FILIP1L: variants seen among roughly 807,000 people sequenced by gnomAD.
FILIP1L encodes the protein filamin A interacting protein 1 like.
FILIP1L carries 55 observed loss-of-function variants against 96.6 expected under a neutral mutation model. The ratio of observed to expected loss-of-function variants is 0.57; its 90% CI spans 0.46 to 0.71. FILIP1L has a LOEUF of 0.71. FILIP1L is among the 30% of genes least tolerant of loss of function. The pLI is 0.00. For synonymous variants in FILIP1L, 467 were observed against 473.9 expected (o/e 0.99, Z 0.19); for missense variants, 1,304 against 1,321.2 (o/e 0.99, Z 0.20).
Position 99,831,289 on chromosome 3 carries a change from T to C in FILIP1L, c.3382-684A>G, listed in dbSNP as rs533036617. On this transcript the variant is annotated intron_variant, in intron 5 of 5. Coordinates refer to ENST00000477258, the MANE Select transcript of FILIP1L (RefSeq NM_001387850.1). ...ATGTTAAAAGTAGAATTTAAAACTG[T>C]GTACATGCTTTAATTATTTACATGT... Among the ~76,000 whole-genome samples the C allele has an allele frequency of 1.7e-4, 26 of 152,352 alleles. No individual in the cohort carries two copies. The South Asian group carries it at 2.1e-3, about 12-fold the overall frequency.
intron 4 of FILIP1L, among the ~76,000 whole-genome samples, chr3:99,905,645 G>T (rs543529503): frequency 6.6e-6 from 1 of 152,260 alleles, no homozygotes; most frequent in Non-Finnish European, 1.5e-5. Flanking sequence ...TCCAGATTAA[G>T]TTATAGAATA....
intron 5 of FILIP1L, among the ~76,000 whole-genome samples, chr3:99,837,529 T>C: frequency 6.6e-6 from 1 of 152,074 alleles, no homozygotes. Flanking sequence ...GTGTCTGTGT[T>C]GATGCAGATT....
At chr3:100,110,555 G>A (rs547814243) in intron 1 of FILIP1L, among the ~76,000 whole-genome samples, 8 of 152,250 alleles carry the variant, frequency 5.3e-5, no homozygotes, top group African/African-American at 1.2e-4. Context: ...TTAAATACAT[G>A]TACAGGAAAT....
intron 1 of FILIP1L, among the ~76,000 whole-genome samples, chr3:99,944,358 A>G (rs759291306): frequency 3.3e-5 from 5 of 152,196 alleles, no homozygotes; most frequent in Non-Finnish European, 1.5e-5. Context: ...CAAGCTGGCT[A>G]CAGCTGTTCC....
At chr3:99,953,871 G>A (rs1407103270) in intron 1 of FILIP1L, among the ~76,000 whole-genome samples, 2 of 152,202 alleles carry the variant, frequency 1.3e-5, no homozygotes, top group African/African-American at 4.8e-5. Context: ...GTCTGCCCAT[G>A]CTGGAGGCAG....
intron 1 of FILIP1L, among the ~76,000 whole-genome samples, chr3:100,046,855 A>G (rs1007931652): frequency 1.3e-5 from 2 of 152,210 alleles, no homozygotes; most frequent in African/African-American, 2.4e-5. Context: ...TGAGTGGCCA[A>G]GTAACCCAGT....
chr3:99,963,790 G>A (rs1708564318), intron 1 of FILIP1L, among the ~76,000 whole-genome samples: 1 of 151,990 alleles, frequency 6.6e-6, no homozygotes, highest in African/African-American at 2.4e-5. Context: ...GCTAATTTTT[G>A]TATTTTTAGC....
intron 4 of FILIP1L, among the ~76,000 whole-genome samples, chr3:99,889,853 C>T (rs1023846467): frequency 6.6e-6 from 1 of 151,994 alleles, no homozygotes; most frequent in Non-Finnish European, 1.5e-5. Context: ...AGCATACCCT[C>T]CCAGTTTTTA....
At chr3:100,055,244 A>G (rs1007328577) in intron 1 of FILIP1L, among the ~76,000 whole-genome samples, 2 of 152,168 alleles carry the variant, frequency 1.3e-5, no homozygotes, top group Non-Finnish European at 2.9e-5. Flanking sequence ...CATCTCAAGC[A>G]CTGAGGATCC....
At chr3:99,907,850 T>C (rs1433671670) in intron 4 of FILIP1L, among the ~76,000 whole-genome samples, 3 of 152,192 alleles carry the variant, frequency 2.0e-5, no homozygotes, top group African/African-American at 7.2e-5. Context: ...AGTGATCACC[T>C]CTTTTTCCAC....
chr3:99,903,372 C>T (rs549359624), intron 4 of FILIP1L, among the ~76,000 whole-genome samples: 14 of 152,140 alleles, frequency 9.2e-5, no homozygotes, highest in African/African-American at 3.4e-4. Flanking sequence ...CTGCCTCAGC[C>T]TCCTGAGTAG....
At chr3:100,058,482 A>G (rs1346622077) in intron 1 of FILIP1L, among the ~76,000 whole-genome samples, 1 of 152,220 alleles carries the variant, frequency 6.6e-6, no homozygotes, top group Admixed American at 6.5e-5. Context: ...CAAGCTTCCC[A>G]TTGATGACCT....
At chr3:99,841,685 C>T (rs1943138664) in intron 5 of FILIP1L, among the ~76,000 whole-genome samples, 1 of 152,096 alleles carries the variant, frequency 6.6e-6, no homozygotes, top group African/African-American at 2.4e-5. Flanking sequence ...CATGAATAGA[C>T]AATTCTCAAA....
intron 4 of FILIP1L, among the ~76,000 whole-genome samples, chr3:99,920,930 G>A (rs1056131971): frequency 2.6e-5 from 4 of 152,156 alleles, no homozygotes; most frequent in Admixed American, 2.6e-4. Context: ...TAGAATGTGA[G>A]CAGTAAACCT....
chr3:99,926,128 T>C (rs1707285810), intron 3 of FILIP1L, among the ~76,000 whole-genome samples: 1 of 152,220 alleles, frequency 6.6e-6, no homozygotes, highest in African/African-American at 2.4e-5. Flanking sequence ...TTAAGTTGTG[T>C]ATCCTAAAAA....
chr3:99,851,124 G>A (rs868563058), intron 4 of FILIP1L, 54 bp from the exon 5 acceptor site: 7 of 1,352,314 alleles, frequency 5.2e-6, no homozygotes, highest in South Asian at 1.4e-5. Flanking sequence ...GTAACTCATC[G>A]AATGTACTTA....
rs543179427 is a variant in FILIP1L, at chr3:99,957,142, C to CA, written c.-10-26113dup. 7.9e-5 allele frequency among the ~76,000 whole-genome samples: 12 copies of CA among 151,636 alleles called. No homozygotes were observed. In the South Asian group the frequency reaches 1.3e-3, roughly 16 times the overall value. Reference sequence around the variant, plus strand: ...CATTTATTTTTTATTTGATATACAGCAAAAAAAATACTGTATGAAGTAGAG... The same window carrying CA: ...CATTTATTTTTTATTTGATATACAGCAAAAAAAAATACTGTATGAAGTAGAG... On this transcript the variant is annotated intron_variant, in intron 1 of 5. Transcript: ENST00000477258.
intron 1 of FILIP1L, among the ~76,000 whole-genome samples, chr3:100,013,619 A>G (rs1225070479): frequency 6.6e-6 from 1 of 152,162 alleles, no homozygotes; most frequent in African/African-American, 2.4e-5. Context: ...ATGAATGACC[A>G]TATTCATTTT....
chr3:99,880,791 AT>A (rs1441370961), intron 4 of FILIP1L, among the ~76,000 whole-genome samples: 3 of 152,224 alleles, frequency 2.0e-5, no homozygotes, highest in Non-Finnish European at 4.4e-5. Flanking sequence ...ACTGCCAACT[AT>A]TAACAATTCA....
Sources: allele counts gnomAD v4.1 joint callset (sites outside exome capture counted in the v4.1 genomes callset), GRCh38; gene constraint gnomAD v4.1.1; transcripts MANE v1.5; gene names NCBI Gene and HGNC (gene_info 2026-07-23, HGNC 2026-07-21).